The following CCDC39 variants were observed in gnomAD, a reference collection of about 807,000 sequenced individuals.
CCDC39 encodes the protein coiled-coil domain 39 molecular ruler complex subunit, also known as coiled-coil domain-containing protein 39.
Under a neutral mutation model 121.0 loss-of-function variants are expected in CCDC39, and 113 were observed. The ratio of observed to expected loss-of-function variants is 0.93; its 90% confidence interval spans 0.80 to 1.09. CCDC39 has a LOEUF of 1.09. Among genes scored for constraint, CCDC39 ranks in the 50% least tolerant of loss-of-function variants. The pLI is 0.00. For synonymous variants in CCDC39, 349 were observed against 352.2 expected (o/e 0.99, Z 0.10); for missense variants, 1,063 against 1,074.7 (o/e 0.99, Z 0.15).
chr3:180,655,726 T>A (rs16831817), intron 6 of CCDC39, among the ~76,000 whole-genome samples: 2,851 of 152,048 alleles, frequency 0.019, 88 homozygotes, highest in African/African-American at 0.066. Flanking sequence ...ATGAAAGAGA[T>A]AAAGCTGGAA....
intron 1 of CCDC39, among the ~76,000 whole-genome samples, chr3:180,677,167 TTTA>T (rs1712246418): frequency 4.2e-5 from 3 of 72,208 alleles, no homozygotes; most frequent in Admixed American, 1.6e-4. Context: ...TAATAATAAT[TTTA>T]TATATATATA....
At chr3:180,677,739 C>T (rs73885323) in intron 1 of CCDC39, among the ~76,000 whole-genome samples, 5,755 of 152,052 alleles carry the variant, frequency 0.038, 378 homozygotes, top group African/African-American at 0.13. Flanking sequence ...TTTTTCTCTT[C>T]TTTCTGTATA....
intron 6 of CCDC39, among the ~76,000 whole-genome samples, chr3:180,656,413 G>T (rs1711582099): frequency 6.6e-6 from 1 of 152,084 alleles, no homozygotes; most frequent in Non-Finnish European, 1.5e-5. Flanking sequence ...ACAATTTCAG[G>T]ATTTTATGAC....
chr3:180,650,328 A>G (rs896789639), intron 9 of CCDC39, among the ~76,000 whole-genome samples: 1 of 152,222 alleles, frequency 6.6e-6, no homozygotes, highest in African/African-American at 2.4e-5. Context: ...TTGCCAGAGT[A>G]TAAGGGGTTA....
rs771462228 is a variant in CCDC39, at chr3:180,642,006, G to A, written c.1861C>T (p.Arg621Trp). 245 of 1,574,632 alleles carry A rather than the reference G, an allele frequency of 1.6e-4. 3 individuals are homozygous for A. The Admixed American group carries it at 2.2e-3, about 14-fold the overall frequency. Residue 621 changes from arginine to tryptophan, a missense_variant, in exon 13 of 20, where the codon CGG becomes TGG. Physicochemically the swap from Arg to Trp is moderately radical, Grantham distance 101 (BLOSUM62 -3). Transcript: ENST00000476379. ...ASQIRYVDQE[R>W]ENISTEFRER... Reference sequence around the variant, plus strand: ...ACTGAAAATTACCTTATGTTTTCCCGTTCTTGATCAACATATCTTATTTGT... The same window carrying A: ...ACTGAAAATTACCTTATGTTTTCCCATTCTTGATCAACATATCTTATTTGT...
chr3:180,615,004 A>G lies in CCDC39; in HGVS notation c.2743T>C (p.Ser915Pro), dbSNP rs1048909370. ...CTAGAAGGGCTGCCTACTAGTGAAG[A>G]GGAGGCCGGGAATTTAAGCTCCAGT... The part of the protein sequence containing the change: ...KVLELKFPAS[S>P]SLVGSPSRPS... Residue 915 changes from serine (S) to proline (P), a missense_variant, in exon 20 of 20, where the codon TCT becomes CCT. Coordinates refer to ENST00000476379, the MANE Select transcript of CCDC39 (RefSeq NM_181426.2). 14 of 1,562,310 alleles carry G rather than the reference A, an allele frequency of 9.0e-6. No individual in the cohort carries two copies. Among genetic ancestry groups the G allele is most frequent in the African/African-American group, 2.7e-5 (2 of 73,830 alleles).
rs1576945493 is a variant in CCDC39 at position 180,651,325 on chromosome 3, C to G, written c.1167+76G>C. 10 of 1,235,356 alleles carry G rather than the reference C, an allele frequency of 8.1e-6. No homozygotes were observed. In the East Asian group the frequency reaches 2.6e-4, roughly 32 times the overall value. The allele number at this position is 1,235,356 out of a possible 1,614,324, so 76.5% of individuals were successfully genotyped here. ...GCTTCTTACAAGACCTCCTCGTCCT[C>G]TGATCCTAGGAGTCTAATTAATTCA... On this transcript the variant is annotated intron_variant, in intron 9 of 19. Coordinates refer to ENST00000476379, the MANE Select transcript of CCDC39 (RefSeq NM_181426.2).
chr3:180,664,762 C>A (rs1299087049), intron 1 of CCDC39, among the ~76,000 whole-genome samples: 1 of 150,466 alleles, frequency 6.6e-6, no homozygotes, highest in Non-Finnish European at 1.5e-5. Flanking sequence ...GTGGCGCGAT[C>A]TCGGCTCACT....
At chr3:180,677,167 TTTATATA>T (rs1712246544) in intron 1 of CCDC39, among the ~76,000 whole-genome samples, 1 of 72,246 alleles carries the variant, frequency 1.4e-5, no homozygotes, top group Non-Finnish European at 2.4e-5. Flanking sequence ...TAATAATAAT[TTTATATA>T]TATATATATA....
rs183412442 is a variant in CCDC39, at chr3:180,674,482, C to T, written c.90+4809G>A. Among the ~76,000 whole-genome samples, 3 of 152,246 alleles carry T rather than the reference C, an allele frequency of 2.0e-5. 1 individual carries two copies. Among genetic ancestry groups the T allele is most frequent in the Admixed American group, 2.0e-4 (3 of 15,282 alleles). On this transcript the variant is annotated intron_variant, in intron 1 of 19. Transcript: ENST00000476379. Reference sequence around the variant, plus strand: ...GAATACCCTTTATTTCTTTATCCTGCCTGATTGCCTTGGCCAGAACTTCCA... The same window carrying T: ...GAATACCCTTTATTTCTTTATCCTGTCTGATTGCCTTGGCCAGAACTTCCA...
In CCDC39 at chr3:180,663,997, T is replaced by C; in HGVS notation, c.91-11A>G. ...CTTCAGCTTTGACAACTGTAAATAATAAATACTATGATTAACCAAAGTCCT... is the reference window on the plus strand; with the variant it reads ...CTTCAGCTTTGACAACTGTAAATAACAAATACTATGATTAACCAAAGTCCT... On this transcript the variant is annotated splice_polypyrimidine_tract_variant and intron_variant, in intron 1 of 19. Transcript: ENST00000476379. 1.2e-6 allele frequency: 2 copies of C among 1,607,462 alleles called. No individual in the cohort carries two copies. Among genetic ancestry groups the C allele is most frequent in the Non-Finnish European group, 1.7e-6 (2 of 1,177,670 alleles).
intron 6 of CCDC39, among the ~76,000 whole-genome samples, chr3:180,656,147 C>T (rs533957956): frequency 6.6e-6 from 1 of 152,148 alleles, no homozygotes; most frequent in Non-Finnish European, 1.5e-5. Flanking sequence ...TTACTGTGTT[C>T]ATTCACTCAA....
intron 1 of CCDC39, among the ~76,000 whole-genome samples, chr3:180,677,354 T>C (rs971403820): frequency 6.7e-6 from 1 of 149,810 alleles, no homozygotes; most frequent in Non-Finnish European, 1.5e-5. Flanking sequence ...TTAAAGCAAA[T>C]CAAGTATAAA....
Position 180,647,102 on chromosome 3 carries a change from C to A in CCDC39, c.1504G>T (p.Glu502Ter). Residue 502 changes from glutamate to a stop codon, truncating the protein, a stop_gained, in exon 11 of 20, where the codon GAA becomes TAA. Coordinates refer to ENST00000476379, the MANE Select transcript of CCDC39 (RefSeq NM_181426.2). LOFTEE classifies it high-confidence loss of function. ...EEKKSTCGLL[E>*]TQIKKLHNDL... ...ACATGAAGCTTCTTGATCTGTGTTT[C>A]CAAAAGGCCACATGTAGATTTTTTC... 6.2e-7 allele frequency: 1 copy of A among 1,607,450 alleles called. No individual in the cohort carries two copies. The highest frequency in any genetic ancestry group is 8.5e-7 in the Non-Finnish European group (1 of 1,177,994).
At chr3:180,633,520 A>C (rs1348766469) in intron 13 of CCDC39, among the ~76,000 whole-genome samples, 6 of 152,182 alleles carry the variant, frequency 3.9e-5, no homozygotes, top group African/African-American at 1.4e-4. Flanking sequence ...AAGAATAAAG[A>C]TTTAATGAGC....
intron 13 of CCDC39, among the ~76,000 whole-genome samples, chr3:180,633,294 T>A (rs1210235767): frequency 6.6e-6 from 1 of 152,140 alleles, no homozygotes; most frequent in Non-Finnish European, 1.5e-5. Flanking sequence ...ATTAAACATT[T>A]ATGGAAAGCA....
rs1235483204 is a variant in CCDC39 at position 180,663,882 on chromosome 3, C to T, written c.195G>A (p.Glu65=). Residue 65 remains glutamate, a synonymous_variant, in exon 2 of 20, where the codon GAG becomes GAA. Transcript: ENST00000476379. Reference sequence around the variant, plus strand: ...GTTACTGTACCTGTGTAATTGAGAGCTCTTGCTTAACATTTTTGAAGTGAG... The same window carrying T: ...GTTACTGTACCTGTGTAATTGAGAGTTCTTGCTTAACATTTTTGAAGTGAG... The part of the protein sequence containing the change: ...MTSHFKNVKQ[E]LSITQSLCKA... 6.2e-7 allele frequency: 1 copy of T among 1,612,594 alleles called. No homozygotes were observed. The highest frequency in any genetic ancestry group is 1.7e-5 in the Admixed American group (1 of 59,968).
intron 1 of CCDC39, among the ~76,000 whole-genome samples, chr3:180,674,153 T>C (rs1039106546): frequency 1.3e-5 from 2 of 152,166 alleles, no homozygotes; most frequent in Admixed American, 6.5e-5. Context: ...TTTTATTTTG[T>C]TGAGCAGTGG....
chr3:180,672,977 A>G (rs988622310), intron 1 of CCDC39, among the ~76,000 whole-genome samples: 1 of 152,202 alleles, frequency 6.6e-6, no homozygotes, highest in African/African-American at 2.4e-5. Flanking sequence ...CAGTGGAGGA[A>G]GTAACTGCAG....
Sources: allele counts gnomAD v4.1 joint callset (sites outside exome capture counted in the v4.1 genomes callset), GRCh38; gene constraint gnomAD v4.1.1; transcripts MANE v1.5; gene names NCBI Gene and HGNC (gene_info 2026-07-23, HGNC 2026-07-21).